Variants in MSRB3 observed in about 807,000 individuals in gnomAD.
The protein encoded by MSRB3 is methionine-R-sulfoxide reductase B3.
MSRB3 carries 13 observed loss-of-function variants against 21.0 expected under a neutral mutation model. That is an observed-to-expected ratio of 0.62 (90% CI 0.40 to 0.98). The LOEUF (loss-of-function observed/expected upper bound fraction) is 0.98. Among genes scored for constraint, MSRB3 ranks in the 50% least tolerant of loss-of-function variants. The pLI is 0.00. For missense variants in MSRB3, 199 were observed against 230.3 expected, an observed-to-expected ratio of 0.86 and a Z score of 0.88; for synonymous variants, 87 against 88.6, an observed-to-expected ratio of 0.98 and a Z score of 0.10.
chr12:65,326,723 A>T (rs1875056416), intron 2 of MSRB3, 103 bp from the exon 3 acceptor site: 3 of 820,962 alleles, frequency 3.7e-6, no homozygotes, highest in Non-Finnish European at 6.2e-6. Context: ...TGGTCTGGTC[A>T]TTGACAAGTG....
intron 5 of MSRB3, among the ~76,000 whole-genome samples, chr12:65,411,547 A>G (rs1469665700): frequency 6.6e-6 from 1 of 152,132 alleles, no homozygotes; most frequent in Non-Finnish European, 1.5e-5. Context: ...TATGATCGTT[A>G]GATTAGCAAA....
intron 2 of MSRB3, chr12:65,308,992 A>G: frequency 3.0e-6 from 1 of 337,052 alleles, no homozygotes. Context: ...CCCAAATCAC[A>G]CAAAATAGGA....
At chr12:65,297,311 C>G (rs1175205185) in intron 1 of MSRB3, among the ~76,000 whole-genome samples, 1 of 152,110 alleles carries the variant, frequency 6.6e-6, no homozygotes, top group Non-Finnish European at 1.5e-5. Flanking sequence ...GTGCAGCAAA[C>G]CACCATGGCA....
intron 5 of MSRB3, among the ~76,000 whole-genome samples, chr12:65,413,248 T>A (rs944977108): frequency 5.9e-5 from 9 of 152,186 alleles, no homozygotes; most frequent in Non-Finnish European, 1.2e-4. Context: ...CTACCAGTGT[T>A]TAGTGGCATA....
At chr12:65,355,777 C>T (rs1407135885) in intron 4 of MSRB3, among the ~76,000 whole-genome samples, 1 of 151,836 alleles carries the variant, frequency 6.6e-6, no homozygotes, top group African/African-American at 2.4e-5. Context: ...TTTACACAGA[C>T]TGCAAAGACC....
At chr12:65,433,352 G>T (rs1881971617) in intron 5 of MSRB3, among the ~76,000 whole-genome samples, 1 of 151,488 alleles carries the variant, frequency 6.6e-6, no homozygotes, top group Admixed American at 6.6e-5. Flanking sequence ...TGTTTTCTGG[G>T]ATAAAACTTC....
At chr12:65,422,068 A>G (rs1881327422) in intron 5 of MSRB3, among the ~76,000 whole-genome samples, 2 of 152,188 alleles carry the variant, frequency 1.3e-5, no homozygotes, top group Non-Finnish European at 2.9e-5. Context: ...GGAAAAAAGC[A>G]GGGGTTGCAA....
intron 5 of MSRB3, among the ~76,000 whole-genome samples, chr12:65,426,854 C>A (rs1400185281): frequency 6.6e-6 from 1 of 151,850 alleles, no homozygotes; most frequent in Non-Finnish European, 1.5e-5. Flanking sequence ...AAATTTCATT[C>A]CTTGTATTTT....
chr12:65,417,836 G>A (rs147868664), intron 5 of MSRB3, among the ~76,000 whole-genome samples: 59 of 152,304 alleles, frequency 3.9e-4, no homozygotes, highest in Non-Finnish European at 1.2e-4. Flanking sequence ...AGGATGAATA[G>A]CATTTCCTTG....
At chr12:65,418,057 G>C (rs749379468) in intron 5 of MSRB3, among the ~76,000 whole-genome samples, 10 of 152,164 alleles carry the variant, frequency 6.6e-5, no homozygotes, top group Non-Finnish European at 1.2e-4. Context: ...TAATGGCTGT[G>C]CTAATTTACA....
chr12:65,354,995 C>T (rs1283188892), intron 4 of MSRB3, among the ~76,000 whole-genome samples: 3 of 151,496 alleles, frequency 2.0e-5, no homozygotes, highest in African/African-American at 2.4e-5. Flanking sequence ...GAAGTAGATT[C>T]ATGGAAAGAT....
At chr12:65,394,211 A>AC (rs150838205) in intron 5 of MSRB3, among the ~76,000 whole-genome samples, 2,737 of 152,264 alleles carry the variant, frequency 0.018, 92 homozygotes, top group African/African-American at 0.063. Context: ...TTTATTCAAA[A>AC]CATTTTTGCT....
intron 6 of MSRB3, among the ~76,000 whole-genome samples, chr12:65,458,276 G>A (rs866904028): frequency 6.6e-6 from 1 of 152,136 alleles, no homozygotes; most frequent in African/African-American, 2.4e-5. Context: ...AAAAATTGTG[G>A]TAGGGATGAC....
chr12:65,382,213 CA>C (rs2136560628), intron 5 of MSRB3, among the ~76,000 whole-genome samples: 1 of 152,052 alleles, frequency 6.6e-6, no homozygotes, highest in Non-Finnish European at 1.5e-5. Context: ...TTAATGACAA[CA>C]AAAATATTTT....
At chr12:65,280,093 G>A (rs1228821044) in intron 1 of MSRB3, among the ~76,000 whole-genome samples, 1 of 152,052 alleles carries the variant, frequency 6.6e-6, no homozygotes, top group East Asian at 1.9e-4. Context: ...TGGCAAGATC[G>A]ATTTTCAAAA....
chr12:65,312,585 C>A (rs1874050948), intron 2 of MSRB3, among the ~76,000 whole-genome samples: 1 of 151,890 alleles, frequency 6.6e-6, no homozygotes, highest in African/African-American at 2.4e-5. Context: ...GGTTGTGATT[C>A]TTATTTGACA....
chr12:65,413,789 AC>A (rs949962751), intron 5 of MSRB3, among the ~76,000 whole-genome samples: 2 of 152,154 alleles, frequency 1.3e-5, no homozygotes, highest in Non-Finnish European at 2.9e-5. Context: ...TATTAAAAAA[AC>A]CCAGCAGAGT....
At chr12:65,288,821 A>T (rs1872529956) in intron 1 of MSRB3, among the ~76,000 whole-genome samples, 1 of 152,168 alleles carries the variant, frequency 6.6e-6, no homozygotes. Flanking sequence ...TTTAAAAAAA[A>T]CTTCACTGTG....
intron 5 of MSRB3, among the ~76,000 whole-genome samples, chr12:65,434,512 G>A (rs1220832855): frequency 6.6e-6 from 1 of 151,872 alleles, no homozygotes; most frequent in Non-Finnish European, 1.5e-5. Context: ...TTCAGAAATA[G>A]TGAAGAATAT....
Sources: gnomAD v4.1 joint callset for allele counts (sites outside exome capture counted in the v4.1 genomes callset) on GRCh38, gnomAD v4.1.1 for gene constraint, MANE v1.5 for transcripts, NCBI Gene and HGNC (gene_info 2026-07-23, HGNC 2026-07-21) for gene names.